Variants in THOC6 observed in about 807,000 individuals in gnomAD.
The protein encoded by THOC6 is THO complex subunit 6.
A neutral mutation model predicts 55.8 loss-of-function variants in THOC6; 39 were observed. That is an observed-to-expected ratio of 0.70 (90% CI 0.54 to 0.91). The LOEUF is 0.91. THOC6 is among the 40% of genes least tolerant of loss of function. The pLI is 0.00. For missense variants in THOC6, 482 were observed against 442.0 expected (o/e 1.09, Z -0.81); for synonymous variants, 192 against 175.6 (o/e 1.09, Z -0.74).
rs146263534 is a variant in THOC6, at chr16:3,026,959, C to T, written c.636+43C>T. 1.5e-3 allele frequency: 2,360 copies of T among 1,614,198 alleles called. 36 individuals carry two copies. In the African/African-American group the frequency reaches 0.028, roughly 19 times the overall value. On this transcript the variant is annotated intron_variant, in intron 9 of 12. Coordinates refer to ENST00000326266, the MANE Select transcript of THOC6 (RefSeq NM_024339.5). ...GCCATTGTCCTCTTCTCCCCCAACT[C>T]CTTGAATTCTCCAGGTCTTCACCTC...
At chr16:3,026,980 A>G in intron 9 of THOC6, 31 bp from the exon 10 acceptor site, 4 of 1,613,518 alleles carry the variant, frequency 2.5e-6, no homozygotes, top group South Asian at 1.1e-5. Context: ...CCAGGTCTTC[A>G]CCTCTTTCCC....
rs2072721293 is a variant in THOC6 at position 3,024,268 on chromosome 16, C to T, written c.-59C>T. On this transcript the variant is annotated 5_prime_UTR_variant, in exon 1 of 13. It adds an upstream start codon to the 5' untranslated region. Transcript: ENST00000326266. ...CCACGGAGAGGAACCGCTCTAGGCA[C>T]GTAAGGCCTCGTGAGGTTGCGTCGC... 1.2e-6 allele frequency: 2 copies of T among 1,609,176 alleles called. No individual in the cohort carries two copies. Among genetic ancestry groups the T allele is most frequent in the Admixed American group, 1.7e-5 (1 of 59,972 alleles).
Position 3,024,260 on chromosome 16 carries a change from T to G in THOC6, c.-67T>G. 2 of 1,602,954 alleles carry G rather than the reference T, an allele frequency of 1.2e-6. No individual in the cohort carries two copies. The highest frequency in any genetic ancestry group is 2.2e-5 in the South Asian group (2 of 90,754). On this transcript the variant is annotated 5_prime_UTR_variant, in exon 1 of 13. Transcript: ENST00000326266. ...GTAGGGCGCCACGGAGAGGAACCGC[T>G]CTAGGCACGTAAGGCCTCGTGAGGT...
At position 3,026,207 on chromosome 16, in the gene THOC6, C is replaced by A. The variant is rs373644502; in HGVS notation, c.324+41C>A. 33 of 1,613,696 alleles carry A rather than the reference C, an allele frequency of 2.0e-5. No individual in the cohort carries two copies. The African/African-American group carries it at 4.1e-4, about 20-fold the overall frequency. On this transcript the variant is annotated intron_variant, in intron 4 of 12. Coordinates refer to ENST00000326266, the MANE Select transcript of THOC6 (RefSeq NM_024339.5). The stretch of plus-strand genomic sequence containing the variant: ...TGGGAAAGGGCTGGGGTGCCTGGAC[C>A]CAGAGAGAGCCTTTGAGGTCACCTG...
At position 3,024,131 on chromosome 16, in the gene THOC6, G is replaced by A; in HGVS notation, c.-196G>A. 1 of 721,228 alleles carries A rather than the reference G, an allele frequency of 1.4e-6. No homozygotes were observed. The highest frequency in any genetic ancestry group is 2.3e-6 in the Non-Finnish European group (1 of 435,190). The allele number at this position is 721,228 out of a possible 1,614,324, so 44.7% of individuals were successfully genotyped here. On this transcript the variant is annotated 5_prime_UTR_variant, in exon 1 of 13. Transcript: ENST00000326266. ...TGGGGGAGGGTATCCGGCTTAAGGG[G>A]GCTGCGGTGGACACCACTTCTTAAT... is the stretch of plus-strand genomic sequence containing the variant.
rs760415895 is a variant in THOC6 at position 3,027,418 on chromosome 16, A to T, written c.863A>T (p.Glu288Val). Residue 288 changes from glutamate (E) to valine (V), a missense_variant, in exon 12 of 13, where the codon GAG becomes GTG. Transcript: ENST00000326266. ...GTCAACCAGTGGCAGCTGAGCGGGG[A>T]GCTGAAGGCCCAGGTGCCTGGCTCC... ...RCVNQWQLSG[E>V]LKAQVPGSSP... 2.0e-5 allele frequency: 32 copies of T among 1,612,348 alleles called. No individual in the cohort carries two copies. The highest frequency in any genetic ancestry group is 2.5e-5 in the Non-Finnish European group (29 of 1,179,590).
Position 3,026,299 on chromosome 16 carries a change from C to T in THOC6, c.362+11C>T, listed in dbSNP as rs767729176. On this transcript the variant is annotated intron_variant, in intron 5 of 12. Coordinates refer to ENST00000326266, the MANE Select transcript of THOC6 (RefSeq NM_024339.5). ...TCAGCCTCCATACAGGTGAGCAGGG[C>T]CACGTGGATAGAGGGTGCATCAGGG... 2.5e-6 allele frequency: 4 copies of T among 1,613,882 alleles called. No individual in the cohort carries two copies. The East Asian group carries it at 6.7e-5, about 27-fold the overall frequency.
At position 3,024,106 on chromosome 16, in the gene THOC6, T is replaced by C; in HGVS notation, c.-221T>C. ...CGGAAGGCAGGCTTGCTCCTCGGGG[T>C]GGGGGAGGGTATCCGGCTTAAGGGG... On this transcript the variant is annotated 5_prime_UTR_variant, in exon 1 of 13. Transcript: ENST00000326266. 2 of 693,262 alleles carry C rather than the reference T, an allele frequency of 2.9e-6. No individual in the cohort carries two copies. Among genetic ancestry groups the C allele is most frequent in the South Asian group, 3.7e-5 (2 of 53,612 alleles). The allele number at this position is 693,262 out of a possible 1,614,324, so 42.9% of individuals were successfully genotyped here.
chr16:3,026,408 C>T lies in THOC6; in HGVS notation c.406C>T (p.Pro136Ser). Reference protein sequence around the residue: ...VPEINALLLVPKENSLILAGG... With the variant: ...VPEINALLLVSKENSLILAGG... Reference sequence around the variant, plus strand: ...TGAGATCAACGCTTTGCTGCTGGTCCCCAAGGTCTGAGCCCCATGTGACTG... The same window carrying T: ...TGAGATCAACGCTTTGCTGCTGGTCTCCAAGGTCTGAGCCCCATGTGACTG... The change falls in exon 6 of 13, where the codon CCC (proline) becomes TCC (serine). Residue 136 changes from proline to serine, a missense_variant. By Grantham distance (74) the Pro-to-Ser change is moderately conservative. Transcript: ENST00000326266. 1.9e-6 allele frequency: 3 copies of T among 1,614,088 alleles called. No individual in the cohort carries two copies. The highest frequency in any genetic ancestry group is 2.5e-6 in the Non-Finnish European group (3 of 1,180,030).
chr16:3,025,597 G>A, intron 1 of THOC6, 111 bp from the exon 2 acceptor site: 5 of 973,458 alleles, frequency 5.1e-6, no homozygotes, highest in Non-Finnish European at 6.3e-6. Context: ...AAAGAAGGCT[G>A]AGAAGTCAGG....
chr16:3,025,181 G>T (rs560241747), intron 1 of THOC6, among the ~76,000 whole-genome samples: 1 of 149,916 alleles, frequency 6.7e-6, no homozygotes, highest in East Asian at 2.0e-4. Flanking sequence ...ACCTCAGGTG[G>T]TCCACCTGCC....
chr16:3,024,791 T>C (rs1266799471), intron 1 of THOC6, among the ~76,000 whole-genome samples: 1 of 147,106 alleles, frequency 6.8e-6, no homozygotes, highest in African/African-American at 2.5e-5. Context: ...TGTGCCACCA[T>C]GCCCAGCTAA....
At chr16:3,025,366 G>A (rs1821384929) in intron 1 of THOC6, among the ~76,000 whole-genome samples, 1 of 152,342 alleles carries the variant, frequency 6.6e-6, no homozygotes, top group East Asian at 1.9e-4. Context: ...AGCACTGAGT[G>A]ACAGCCCCAT....
In THOC6 at chr16:3,027,668, C is replaced by T. The variant is rs1443877687; in HGVS notation, c.*11C>T. On this transcript the variant is annotated 3_prime_UTR_variant, in exon 13 of 13. Transcript: ENST00000326266. Reference sequence around the variant, plus strand: ...TCCCTGTCCTTCTGATCTCTGACGACACCCCCAGCCAGCTCAGGGTTTTAG... The same window carrying T: ...TCCCTGTCCTTCTGATCTCTGACGATACCCCCAGCCAGCTCAGGGTTTTAG... 1.2e-6 allele frequency: 2 copies of T among 1,610,946 alleles called. No individual in the cohort carries two copies. Among genetic ancestry groups the T allele is most frequent in the Non-Finnish European group, 1.7e-6 (2 of 1,178,708 alleles).
In THOC6 at chr16:3,027,680, G is replaced by A; in HGVS notation, c.*23G>A. On this transcript the variant is annotated 3_prime_UTR_variant, in exon 13 of 13. Transcript: ENST00000326266. ...TGATCTCTGACGACACCCCCAGCCA[G>A]CTCAGGGTTTTAGAGTGTTTTTCAT... is the stretch of plus-strand genomic sequence containing the variant. The A allele has an allele frequency of 6.3e-7, 1 of 1,598,822 alleles. No individual in the cohort carries two copies. Among genetic ancestry groups the A allele is most frequent in the Non-Finnish European group, 8.5e-7 (1 of 1,173,646 alleles).
chr16:3,024,248 G>A lies in THOC6; in HGVS notation c.-79G>A, dbSNP rs918290887. ...GCGCCGAAGGCGGTAGGGCGCCACG[G>A]AGAGGAACCGCTCTAGGCACGTAAG... On this transcript the variant is annotated 5_prime_UTR_variant, in exon 1 of 13. Transcript: ENST00000326266. The A allele has an allele frequency of 1.3e-6, 2 of 1,586,752 alleles. No individual in the cohort carries two copies. Among genetic ancestry groups the A allele is most frequent in the East Asian group, 2.2e-5 (1 of 44,618 alleles).
At chr16:3,024,459 T>G in intron 1 of THOC6, 94 bp downstream of exon 1, 2 of 1,504,078 alleles carry the variant, frequency 1.3e-6, no homozygotes, top group Non-Finnish European at 1.8e-6. Context: ...GAGCCCTGTT[T>G]TGCCTGGGCT....
chr16:3,024,131 G>T lies in THOC6; in HGVS notation c.-196G>T, dbSNP rs1021414313. 13 of 721,110 alleles carry T rather than the reference G, an allele frequency of 1.8e-5. No individual in the cohort carries two copies. The highest frequency in any genetic ancestry group is 2.8e-5 in the Non-Finnish European group (12 of 435,198). The allele number at this position is 721,110 out of a possible 1,614,324, so 44.7% of individuals were successfully genotyped here. A position where few individuals can be genotyped will look rare whatever the true frequency, so the allele number is the denominator to read the frequency against. On this transcript the variant is annotated 5_prime_UTR_variant, in exon 1 of 13. Coordinates refer to ENST00000326266, the MANE Select transcript of THOC6 (RefSeq NM_024339.5). ...TGGGGGAGGGTATCCGGCTTAAGGGGGCTGCGGTGGACACCACTTCTTAAT... is the reference window on the plus strand; with the variant it reads ...TGGGGGAGGGTATCCGGCTTAAGGGTGCTGCGGTGGACACCACTTCTTAAT...
rs1258133788 is a variant in THOC6 at position 3,027,475 on chromosome 16, A to G, written c.920A>G (p.Gln307Arg). The G allele has an allele frequency of 1.9e-6, 3 of 1,610,122 alleles. No individual in the cohort carries two copies. The African/African-American group carries it at 4.0e-5, about 21-fold the overall frequency. Reference protein sequence around the residue: ...SPGLLSLSLNQQPAAPECKVL... With the variant: ...SPGLLSLSLNRQPAAPECKVL... ...GGGCTGCTCAGCCTCAGCCTCAACC[A>G]GCAGCCTGCCGCGCCTGAGTGCAAG... Residue 307 changes from glutamine to arginine, a missense_variant, in exon 12 of 13, where the codon CAG becomes CGG. Coordinates refer to ENST00000326266, the MANE Select transcript of THOC6 (RefSeq NM_024339.5).
Sources: gnomAD v4.1 joint callset for allele counts (sites outside exome capture counted in the v4.1 genomes callset) on GRCh38, gnomAD v4.1.1 for gene constraint, MANE v1.5 for transcripts, NCBI Gene and HGNC (gene_info 2026-07-23, HGNC 2026-07-21) for gene names.